The following ZFPM2 variants were observed in gnomAD, a reference collection of about 807,000 sequenced individuals.
ZFPM2 encodes the protein zinc finger protein, FOG family member 2, also known as zinc finger protein ZFPM2.
A neutral mutation model predicts 98.6 loss-of-function variants in ZFPM2; 20 were observed. The observed-to-expected ratio is 0.20, with a 90% CI of 0.14 to 0.29. ZFPM2 has a LOEUF of 0.29. Among genes scored for constraint, ZFPM2 ranks in the 10% least tolerant of loss-of-function variants. The pLI is 1.00. For missense variants in ZFPM2, 1,310 were observed against 1,388.6 expected (o/e 0.94, Z 0.90); for synonymous variants, 518 against 502.7 (o/e 1.03, Z -0.41).
intron 4 of ZFPM2, among the ~76,000 whole-genome samples, chr8:105,589,060 A>C (rs1815788061): frequency 6.6e-6 from 1 of 152,244 alleles, no homozygotes; most frequent in African/African-American, 2.4e-5. Context: ...TGGAGAGTCA[A>C]CTGAAAAGGT....
intron 1 of ZFPM2, among the ~76,000 whole-genome samples, chr8:105,394,619 G>T (rs988260): frequency 0.55 from 83,843 of 151,970 alleles, 23,456 homozygotes; most frequent in Admixed American, 0.63. Context: ...TATTATTATG[G>T]TATTTTGTAA....
intron 3 of ZFPM2, among the ~76,000 whole-genome samples, chr8:105,551,421 T>C (rs1334947469): frequency 6.6e-6 from 1 of 152,196 alleles, no homozygotes; most frequent in Non-Finnish European, 1.5e-5. Flanking sequence ...TTTTCCACTC[T>C]ATTTTTGAAC....
chr8:105,799,084 A>AC, intron 7 of ZFPM2, 136 bp downstream of exon 7: 2 of 783,034 alleles, frequency 2.6e-6, no homozygotes, highest in South Asian at 2.1e-5. Context: ...TTCTGGGTCA[A>AC]CCAGTGTGAT....
intron 4 of ZFPM2, among the ~76,000 whole-genome samples, chr8:105,566,749 T>C (rs7832219): frequency 0.31 from 46,936 of 152,058 alleles, 7,447 homozygotes; most frequent in African/African-American, 0.39. Flanking sequence ...ACAACATACA[T>C]AGTTAATTAA....
intron 5 of ZFPM2, among the ~76,000 whole-genome samples, chr8:105,721,331 A>G (rs1352343542): frequency 2.6e-5 from 4 of 152,002 alleles, no homozygotes; most frequent in Non-Finnish European, 5.9e-5. Flanking sequence ...TCCCAGTTAT[A>G]GATAACTGCC....
chr8:105,561,390 G>A lies in ZFPM2; in HGVS notation c.329G>A (p.Gly110Glu). 6.2e-7 allele frequency: 1 copy of A among 1,613,518 alleles called. No individual in the cohort carries two copies. Among genetic ancestry groups the A allele is most frequent in the Non-Finnish European group, 8.5e-7 (1 of 1,179,650 alleles). Residue 110 changes from glycine (G) to glutamate (E), a missense_variant, in exon 4 of 8, where the codon GGG becomes GAG. Coordinates refer to ENST00000407775, the MANE Select transcript of ZFPM2 (RefSeq NM_012082.4). Reference sequence around the variant, plus strand: ...GAGCTGGAGGTGTTTCAGAAAGATGGGGAACGAAAAATTCAGAGTCGACAG... The same window carrying A: ...GAGCTGGAGGTGTTTCAGAAAGATGAGGAACGAAAAATTCAGAGTCGACAG... ...PGELEVFQKD[G>E]ERKIQSRQQL... is the part of the protein sequence containing the mutation.
In ZFPM2 at chr8:105,803,673, A is replaced by C. The variant is rs1328435320; in HGVS notation, c.*135A>C. ...TCATTATGGCTGAGTTGAAGACTTA[A>C]GGTGTAATTTCATTACAGTCCATTA... is the stretch of plus-strand genomic sequence containing the variant. On this transcript the variant is annotated 3_prime_UTR_variant, in exon 8 of 8. Transcript: ENST00000407775. 1.2e-6 allele frequency: 1 copy of C among 869,066 alleles called. No individual in the cohort carries two copies. The highest frequency in any genetic ancestry group is 2.6e-5 in the Admixed American group (1 of 39,162). The allele number at this position is 869,066 out of a possible 1,614,324, so 53.8% of individuals were successfully genotyped here.
chr8:105,512,561 A>G (rs1299750387), intron 3 of ZFPM2, among the ~76,000 whole-genome samples: 1 of 152,124 alleles, frequency 6.6e-6, no homozygotes, highest in Non-Finnish European at 1.5e-5. Context: ...ATTCCTTTTT[A>G]TGCTAGCTTT....
intron 1 of ZFPM2, among the ~76,000 whole-genome samples, chr8:105,324,903 A>T (rs1292235970): frequency 1.3e-5 from 2 of 151,872 alleles, no homozygotes; most frequent in Admixed American, 1.3e-4. Context: ...ATAACATTAG[A>T]TTTGTATGGG....
At chr8:105,485,392 A>C (rs1158120194) in intron 3 of ZFPM2, among the ~76,000 whole-genome samples, 2 of 152,088 alleles carry the variant, frequency 1.3e-5, no homozygotes, top group African/African-American at 4.8e-5. Flanking sequence ...AGGCTAGTAC[A>C]TCTGCAGTCC....
chr8:105,738,158 C>A (rs948615385), intron 5 of ZFPM2, among the ~76,000 whole-genome samples: 2 of 151,936 alleles, frequency 1.3e-5, no homozygotes, highest in Non-Finnish European at 2.9e-5. Flanking sequence ...TTTCCTGATG[C>A]TTTCCCTCCT....
intron 5 of ZFPM2, among the ~76,000 whole-genome samples, chr8:105,639,324 A>G (rs748689701): frequency 1.4e-4 from 22 of 152,104 alleles, no homozygotes; most frequent in Non-Finnish European, 1.5e-4. Flanking sequence ...GGGTTTAATC[A>G]CTCAGCTTCA....
chr8:105,715,275 C>A (rs6994423), intron 5 of ZFPM2, among the ~76,000 whole-genome samples: 2,009 of 151,866 alleles, frequency 0.013, 43 homozygotes, highest in African/African-American at 0.045. Flanking sequence ...TGGTGTGCAT[C>A]TGTAGTCCCA....
At chr8:105,515,930 T>C (rs1813911579) in intron 3 of ZFPM2, among the ~76,000 whole-genome samples, 1 of 148,220 alleles carries the variant, frequency 6.7e-6, no homozygotes, top group Non-Finnish European at 1.5e-5. Flanking sequence ...TTTTTTTTTT[T>C]TTTTGAGATG....
chr8:105,567,088 A>C (rs1815257850), intron 4 of ZFPM2, among the ~76,000 whole-genome samples: 1 of 152,310 alleles, frequency 6.6e-6, no homozygotes, highest in Admixed American at 6.5e-5. Flanking sequence ...AATTAGAATT[A>C]TTAATTGCCT....
At chr8:105,334,651 A>G (rs1812294021) in intron 1 of ZFPM2, among the ~76,000 whole-genome samples, 1 of 151,640 alleles carries the variant, frequency 6.6e-6, no homozygotes, top group Non-Finnish European at 1.5e-5. Flanking sequence ...CAAAAAGTTT[A>G]TCTCCACGAT....
At chr8:105,345,284 G>A (rs1278842619) in intron 1 of ZFPM2, among the ~76,000 whole-genome samples, 2 of 152,054 alleles carry the variant, frequency 1.3e-5, no homozygotes, top group Non-Finnish European at 2.9e-5. Flanking sequence ...ACAATCTGGA[G>A]CTTTTTCAGC....
At position 105,441,774 on chromosome 8, in the gene ZFPM2, C is replaced by A. The variant is rs112092880; in HGVS notation, c.200-2506C>A. 3.7e-4 allele frequency among the ~76,000 whole-genome samples: 57 copies of A among 152,158 alleles called. 1 individual carries two copies. The highest frequency in any genetic ancestry group is 1.4e-3 in the African/African-American group (57 of 41,508). On this transcript the variant is annotated intron_variant, in intron 2 of 7. Transcript: ENST00000407775. ...TGGCCTGGGATCTGACCAATCCAAA[C>A]GGATACCATAAACCTCCTGCTCACC...
chr8:105,333,698 G>A (rs1812275439), intron 1 of ZFPM2, among the ~76,000 whole-genome samples: 1 of 151,562 alleles, frequency 6.6e-6, no homozygotes, highest in African/African-American at 2.4e-5. Context: ...TAGGGGATGG[G>A]TTAAATAAAA....
Sources: allele counts gnomAD v4.1 joint callset (sites outside exome capture counted in the v4.1 genomes callset), GRCh38; gene constraint gnomAD v4.1.1; transcripts MANE v1.5; gene names NCBI Gene and HGNC (gene_info 2026-07-23, HGNC 2026-07-21).